SLC20A2: variants seen among roughly 807,000 people sequenced by gnomAD.
SLC20A2 encodes the protein solute carrier family 20 member 2.
Under a neutral mutation model 61.0 loss-of-function variants are expected in SLC20A2, and 30 were observed. That is an observed-to-expected ratio of 0.49 (90% confidence interval 0.37 to 0.67). The LOEUF (loss-of-function observed/expected upper bound fraction) is 0.67, where lower values mean the gene tolerates loss of function less well. Among genes scored for constraint, SLC20A2 ranks in the 30% least tolerant of loss-of-function variants. The probability of loss-of-function intolerance (pLI) is 0.00; values close to 1 mark genes in which losing one functional copy is unlikely to be tolerated. For missense variants in SLC20A2, 626 were observed against 866.4 expected (o/e 0.72, Z 3.48); for synonymous variants, 351 against 353.3 (o/e 0.99, Z 0.07).
At chr8:42,430,316 CTT>C in intron 8 of SLC20A2, 67 bp from the exon 9 acceptor site, 2 of 1,362,780 alleles carry the variant, frequency 1.5e-6, no homozygotes, top group Non-Finnish European at 2.0e-6. Context: ...ATACAGGTGA[CTT>C]TGTTTTATTG....
At chr8:42,509,055 T>C (rs1463191840) in intron 1 of SLC20A2, among the ~76,000 whole-genome samples, 4 of 152,258 alleles carry the variant, frequency 2.6e-5, no homozygotes, top group Non-Finnish European at 5.9e-5. Context: ...GGGGTTATTA[T>C]GAAGACTAAA....
intron 8 of SLC20A2, among the ~76,000 whole-genome samples, chr8:42,436,073 G>A (rs567470033): frequency 5.9e-5 from 9 of 151,976 alleles, no homozygotes; most frequent in African/African-American, 9.7e-5. Flanking sequence ...CTGAGATTGC[G>A]CCACTGCACT....
rs776838744 is a variant in SLC20A2 at position 42,420,046 on chromosome 8, C to T, written c.1795-2079G>A. ...CTAAAAATACAAAAAATTAGCTAGG[C>T]GTGGTGGTGCACACCTGTAGTCCCA... is the stretch of plus-strand genomic sequence containing the variant. On this transcript the variant is annotated intron_variant, in intron 10 of 10. Transcript: ENST00000520262. Among the ~76,000 whole-genome samples, 22 of 152,110 alleles carry T rather than the reference C, an allele frequency of 1.4e-4. No individual in the cohort carries two copies. The Middle Eastern group carries it at 0.01, about 71-fold the overall frequency.
intron 10 of SLC20A2, among the ~76,000 whole-genome samples, chr8:42,427,342 G>A (rs894578941): frequency 1.3e-5 from 2 of 152,232 alleles, no homozygotes; most frequent in South Asian, 2.1e-4. Context: ...GGACCTGAAC[G>A]AGAAGGTGTG....
At chr8:42,475,201 G>A (rs749030746) in intron 1 of SLC20A2, among the ~76,000 whole-genome samples, 4 of 152,214 alleles carry the variant, frequency 2.6e-5, no homozygotes, top group Non-Finnish European at 2.9e-5. Context: ...CCAGGCTCAA[G>A]CGATCCTCCT....
At chr8:42,451,048 G>C (rs1052959514) in intron 5 of SLC20A2, among the ~76,000 whole-genome samples, 7 of 152,102 alleles carry the variant, frequency 4.6e-5, no homozygotes, top group Admixed American at 4.6e-4. Flanking sequence ...CTGAGTGCAG[G>C]GCTCCTTCTC....
At chr8:42,486,348 G>C (rs1431421305) in intron 1 of SLC20A2, among the ~76,000 whole-genome samples, 1 of 152,058 alleles carries the variant, frequency 6.6e-6, no homozygotes, top group Non-Finnish European at 1.5e-5. Flanking sequence ...AACTACAGGT[G>C]TGCGACACTG....
chr8:42,477,245 T>C (rs1370684597), intron 1 of SLC20A2, among the ~76,000 whole-genome samples: 1 of 152,134 alleles, frequency 6.6e-6, no homozygotes. Flanking sequence ...CTCAAGCAAC[T>C]TGTAATTACT....
intron 5 of SLC20A2, among the ~76,000 whole-genome samples, chr8:42,445,180 T>C (rs1182700662): frequency 6.6e-6 from 1 of 151,986 alleles, no homozygotes; most frequent in Non-Finnish European, 1.5e-5. Context: ...TAATCCCAGC[T>C]ACTCGGGAGG....
At chr8:42,424,475 C>T (rs560194113) in intron 10 of SLC20A2, among the ~76,000 whole-genome samples, 11 of 152,168 alleles carry the variant, frequency 7.2e-5, no homozygotes, top group Admixed American at 3.9e-4. Flanking sequence ...GCCACCGTAC[C>T]TGGCCAATTA....
intron 1 of SLC20A2, chr8:42,541,222 T>C (rs1443530080): frequency 6.6e-6 from 1 of 151,836 alleles, no homozygotes. Context: ...CCCTGCCACT[T>C]CCGTCGAGTT....
intron 2 of SLC20A2, chr8:42,471,180 T>C (rs947691883): frequency 1.5e-5 from 7 of 456,086 alleles, no homozygotes; most frequent in African/African-American, 1.4e-4. Context: ...ACATCAGCTG[T>C]CTGTTGTGTC....
At chr8:42,532,752 A>G (rs1271361022) in intron 1 of SLC20A2, among the ~76,000 whole-genome samples, 2 of 152,218 alleles carry the variant, frequency 1.3e-5, no homozygotes, top group Non-Finnish European at 2.9e-5. Context: ...TAGATAAGAC[A>G]CACGGGAGAC....
chr8:42,457,758 T>C (rs572468832), intron 5 of SLC20A2, among the ~76,000 whole-genome samples: 109 of 152,312 alleles, frequency 7.2e-4, no homozygotes, highest in African/African-American at 2.4e-3. Context: ...GTGTTGGGAT[T>C]ACAGGCATGA....
rs1804405647 is a variant in SLC20A2 at position 42,437,709 on chromosome 8, C to T, written c.935-132G>A. The T allele has an allele frequency of 1.4e-6, 1 of 698,312 alleles. No individual in the cohort carries two copies. The highest frequency in any genetic ancestry group is 1.8e-5 in the African/African-American group (1 of 54,884). 43.3% of individuals were successfully genotyped at this position (698,312 alleles called of 1,614,324 possible). A position where few individuals can be genotyped will look rare whatever the true frequency, so the allele number is the denominator to read the frequency against. ...TCTCGGCTCACTGCAACCTTCGCCT[C>T]CCGGGTTCAAGCGATTCTCCCTCAG... is the stretch of plus-strand genomic sequence containing the variant. On this transcript the variant is annotated intron_variant, in intron 7 of 10. Coordinates refer to ENST00000520262, the MANE Select transcript of SLC20A2 (RefSeq NM_001257180.2). This position sits in a 1 kb window ranked among gnomAD's most constrained non-coding sequence, Gnocchi z 6.4.
chr8:42,500,142 T>G (rs775949424), intron 1 of SLC20A2, among the ~76,000 whole-genome samples: 1 of 152,218 alleles, frequency 6.6e-6, no homozygotes, highest in Non-Finnish European at 1.5e-5. Context: ...TCCTATCGCC[T>G]AGGAGAACTG....
chr8:42,464,282 TC>T (rs1186211323), intron 3 of SLC20A2, among the ~76,000 whole-genome samples: 13 of 146,684 alleles, frequency 8.9e-5, no homozygotes, highest in African/African-American at 2.8e-4. Context: ...TAATTTTCTT[TC>T]TTTTTTTTTT....
At chr8:42,427,354 G>A (rs1227786034) in intron 10 of SLC20A2, among the ~76,000 whole-genome samples, 1 of 152,230 alleles carries the variant, frequency 6.6e-6, no homozygotes, top group Admixed American at 6.5e-5. Context: ...GAAGGTGTGT[G>A]GCCTGAGGTG....
In SLC20A2 at chr8:42,437,184, G is replaced by A. The variant is rs746847751; in HGVS notation, c.1328C>T (p.Ala443Val). The A allele has an allele frequency of 1.2e-6, 2 of 1,613,464 alleles. No homozygotes were observed. The highest frequency in any genetic ancestry group is 2.2e-5 in the East Asian group (1 of 44,886). The change falls in exon 8 of 11, where the codon GCG (alanine) becomes GTG (valine). Residue 443 changes from alanine to valine, a missense_variant. This residue lies in a region of SLC20A2 where 361 missense variants were observed against 422.3 expected (regional missense o/e 0.85). Transcript: ENST00000520262. The surrounding 1 kb of genome is among the most constrained non-coding windows in gnomAD (Gnocchi z 6.4). Reference protein sequence around the residue: ...YSSYCNAVAEAEIEAEEGGVE... With the variant: ...YSSYCNAVAEVEIEAEEGGVE... ...GCCGCCCTCCTCCGCCTCGATCTCC[G>A]CCTCTGCCACCGCGTTACAGTAGCT... is the stretch of plus-strand genomic sequence containing the variant.
Sources: allele counts gnomAD v4.1 joint callset (sites outside exome capture counted in the v4.1 genomes callset), GRCh38; gene constraint gnomAD v4.1.1; regional missense constraint gnomAD v4.1.1; non-coding constraint Gnocchi (gnomAD v3.1); transcripts MANE v1.5; gene names NCBI Gene and HGNC (gene_info 2026-07-23, HGNC 2026-07-21).